The following CTNND2 variants were observed in gnomAD, a reference collection of about 807,000 sequenced individuals.
CTNND2 encodes catenin delta-2.
A neutral mutation model predicts 144.4 loss-of-function variants in CTNND2; 22 were observed. The ratio of observed to expected loss-of-function variants is 0.15; its 90% CI spans 0.11 to 0.22. The LOEUF (loss-of-function observed/expected upper bound fraction) is 0.22, where lower values mean the gene tolerates loss of function less well. CTNND2 is among the 10% of genes least tolerant of loss of function. The pLI is 1.00. For missense variants in CTNND2, 1,353 were observed against 1,618.8 expected (o/e 0.84, Z 2.82); for synonymous variants, 751 against 695.6 (o/e 1.08, Z -1.25).
chr5:11,763,860 A>T (rs1789423666), intron 1 of CTNND2, among the ~76,000 whole-genome samples: 1 of 152,044 alleles, frequency 6.6e-6, no homozygotes, highest in Admixed American at 6.6e-5. Flanking sequence ...TCATCCTGAC[A>T]TTGCATGAAA....
chr5:11,214,778 T>C (rs1222825819), intron 10 of CTNND2, among the ~76,000 whole-genome samples: 3 of 152,128 alleles, frequency 2.0e-5, no homozygotes, highest in African/African-American at 7.2e-5. Context: ...CCTGAGCAGG[T>C]TGTTCTCCCA....
chr5:11,328,533 G>C (rs751748511), intron 9 of CTNND2, among the ~76,000 whole-genome samples: 1 of 151,888 alleles, frequency 6.6e-6, no homozygotes, highest in Non-Finnish European at 1.5e-5. Context: ...AAAATTCCTG[G>C]GCTCAAGCAA....
At chr5:11,448,116 GT>G (rs1401902293) in intron 3 of CTNND2, among the ~76,000 whole-genome samples, 1 of 152,074 alleles carries the variant, frequency 6.6e-6, no homozygotes, top group Non-Finnish European at 1.5e-5. Flanking sequence ...CACATTTGTG[GT>G]TTTTCCCCAA....
chr5:11,097,831 T>C (rs916546524), intron 15 of CTNND2, among the ~76,000 whole-genome samples: 9 of 152,218 alleles, frequency 5.9e-5, no homozygotes, highest in Admixed American at 1.3e-4. Context: ...AAGTGCAAAC[T>C]TTCTCTCTTG....
At chr5:11,325,005 G>A (rs907412383) in intron 9 of CTNND2, among the ~76,000 whole-genome samples, 4 of 150,472 alleles carry the variant, frequency 2.7e-5, no homozygotes, top group African/African-American at 9.8e-5. Context: ...AAAGTCTGTA[G>A]TGCAAGAATG....
At chr5:11,899,184 T>C (rs531308015) in intron 1 of CTNND2, among the ~76,000 whole-genome samples, 99 of 152,358 alleles carry the variant, frequency 6.5e-4, no homozygotes, top group Admixed American at 3.9e-3. Context: ...TTTTTCTCTA[T>C]CATAATGACA....
chr5:11,581,658 T>G (rs1024753479), intron 2 of CTNND2, among the ~76,000 whole-genome samples: 1 of 152,216 alleles, frequency 6.6e-6, no homozygotes, highest in Non-Finnish European at 1.5e-5. Flanking sequence ...AGAGCAATCA[T>G]TCAAAATTAT....
At chr5:11,006,380 G>A (rs540668909) in intron 18 of CTNND2, among the ~76,000 whole-genome samples, 17 of 152,188 alleles carry the variant, frequency 1.1e-4, no homozygotes, top group South Asian at 2.1e-4. Context: ...GTGAGGCAGT[G>A]GGCATGTGTG....
At chr5:11,294,085 A>G (rs546471949) in intron 9 of CTNND2, among the ~76,000 whole-genome samples, 1 of 151,570 alleles carries the variant, frequency 6.6e-6, no homozygotes, top group Admixed American at 6.6e-5. Context: ...TTTGCACTGA[A>G]GCTGCAGGAG....
chr5:11,456,209 G>T (rs2149923477), intron 3 of CTNND2, among the ~76,000 whole-genome samples: 1 of 152,144 alleles, frequency 6.6e-6, no homozygotes, highest in Non-Finnish European at 1.5e-5. Context: ...GCTACTTCTT[G>T]ATGTGCCCCA....
At chr5:11,615,287 T>C (rs1207328276) in intron 2 of CTNND2, among the ~76,000 whole-genome samples, 1 of 152,168 alleles carries the variant, frequency 6.6e-6, no homozygotes, top group Non-Finnish European at 1.5e-5. Flanking sequence ...ACTGAAACCA[T>C]GAAAAACAGT....
At chr5:11,115,356 T>C (rs61753330) in intron 13 of CTNND2, among the ~76,000 whole-genome samples, 3 of 152,324 alleles carry the variant, frequency 2.0e-5, no homozygotes, top group East Asian at 3.9e-4. Flanking sequence ...TTGACTCTTA[T>C]TTTATTTTCA....
chr5:11,299,306 A>C (rs1406765581), intron 9 of CTNND2, among the ~76,000 whole-genome samples: 2 of 152,158 alleles, frequency 1.3e-5, no homozygotes, highest in Non-Finnish European at 2.9e-5. Context: ...AGCATATGTC[A>C]AACTCTTTGG....
intron 9 of CTNND2, among the ~76,000 whole-genome samples, chr5:11,240,221 CCCA>C (rs1742108605): frequency 7.7e-6 from 1 of 130,250 alleles, no homozygotes; most frequent in Non-Finnish European, 1.6e-5. Flanking sequence ...AACACACACA[CCCA>C]ACACACACAC....
At chr5:10,986,569 A>C (rs1737984038) in intron 20 of CTNND2, 1 of 453,816 alleles carries the variant, frequency 2.2e-6, no homozygotes, top group Non-Finnish European at 4.4e-6. Flanking sequence ...ATTCAGATTC[A>C]CAGCTTTCTT....
chr5:11,662,000 A>AACACACACATATATAC (rs944860745), intron 2 of CTNND2, among the ~76,000 whole-genome samples: 1 of 150,250 alleles, frequency 6.7e-6, no homozygotes, highest in Non-Finnish European at 1.5e-5. Context: ...CACACACACA[A>AACACACACATATATAC]ACACACACAT....
At chr5:11,203,007 A>C (rs376373578) in intron 10 of CTNND2, among the ~76,000 whole-genome samples, 9 of 151,968 alleles carry the variant, frequency 5.9e-5, no homozygotes, top group African/African-American at 2.2e-4. Context: ...ATTTCATCAT[A>C]CTGGTCAGGC....
intron 1 of CTNND2, among the ~76,000 whole-genome samples, chr5:11,810,581 A>C (rs1019705763): frequency 7.9e-5 from 12 of 152,206 alleles, no homozygotes; most frequent in African/African-American, 2.7e-4. Flanking sequence ...TACTATAAAA[A>C]TTATTTGCAA....
chr5:11,725,453 C>T (rs1786962453), intron 2 of CTNND2, among the ~76,000 whole-genome samples: 1 of 152,150 alleles, frequency 6.6e-6, no homozygotes, highest in Non-Finnish European at 1.5e-5. Flanking sequence ...ATTCTCTTCT[C>T]CTCGTTAAAT....
Sources: gnomAD v4.1 joint callset for allele counts (sites outside exome capture counted in the v4.1 genomes callset) on GRCh38, gnomAD v4.1.1 for gene constraint, MANE v1.5 for transcripts, NCBI Gene and HGNC (gene_info 2026-07-23, HGNC 2026-07-21) for gene names.